The following TEX30 variants were observed in gnomAD, a reference collection of about 807,000 sequenced individuals.
TEX30 encodes testis-expressed protein 30.
A neutral mutation model predicts 23.8 loss-of-function variants in TEX30; 14 were observed. The ratio of observed to expected loss-of-function variants is 0.59; its 90% confidence interval spans 0.39 to 0.92. The LOEUF is 0.92. Among genes scored for constraint, TEX30 ranks in the 40% least tolerant of loss-of-function variants. TEX30 has a pLI of 0.00. For missense variants in TEX30, 246 were observed against 270.6 expected (o/e 0.91, Z 0.64); for synonymous variants, 78 against 90.2 (o/e 0.87, Z 0.76).
chr13:102,769,826 A>G (rs1481531140), intron 2 of TEX30, 186 bp downstream of exon 2: 2 of 534,514 alleles, frequency 3.7e-6, no homozygotes, highest in African/African-American at 3.9e-5. Flanking sequence ...AACTTGCCCA[A>G]GGTTATATAG....
chr13:102,770,860 T>C (rs1035480072), intron 1 of TEX30: 2 of 152,214 alleles, frequency 1.3e-5, no homozygotes, highest in Admixed American at 6.5e-5. Flanking sequence ...CACTGAAATT[T>C]TGGGGTTGTT....
At position 102,766,513 on chromosome 13, in the gene TEX30, T is replaced by C; in HGVS notation, c.572A>G (p.Asn191Ser). 6.2e-7 allele frequency: 1 copy of C among 1,614,112 alleles called. No homozygotes were observed. Among genetic ancestry groups the C allele is most frequent in the African/African-American group, 1.3e-5 (1 of 75,064 alleles). Residue 191 changes from asparagine to serine, a missense_variant, in exon 6 of 6, where the codon AAT (asparagine) becomes AGT (serine). Physicochemically the swap from Asn to Ser is conservative, Grantham distance 46. Transcript: ENST00000376032. ...CCGTCCTTTCACTGCCATGGAATGATTTGCCTTCTCAATCCAGTGGATTTT... is the reference window on the plus strand; with the variant it reads ...CCGTCCTTTCACTGCCATGGAATGACTTGCCTTCTCAATCCAGTGGATTTT... ...PHKIHWIEKANHSMAVKGRST... is the reference protein window; with the variant it reads ...PHKIHWIEKASHSMAVKGRST...
Position 102,769,393 on chromosome 13 carries a change from G to C in TEX30, c.164C>G (p.Ala55Gly), listed in dbSNP as rs1236110408. The C allele has an allele frequency of 1.2e-6, 2 of 1,608,954 alleles. No individual in the cohort carries two copies. The highest frequency in any genetic ancestry group is 1.3e-5 in the African/African-American group (1 of 74,824). Residue 55 changes from alanine to glycine, a missense_variant, in exon 3 of 6, where the codon GCA becomes GGA. Coordinates refer to ENST00000376032, the MANE Select transcript of TEX30 (RefSeq NM_138779.5). ...TCTCAGGCAGAAAAACCCATGAGAT[G>C]CAAGATGGGATGCCAGTGACATCAA... ...PHLMSLASHL[A>G]SHGFFCLRFT...
Position 102,770,077 on chromosome 13 carries a change from G to C in TEX30, c.-51C>G, listed in dbSNP as rs918621483. The C allele has an allele frequency of 7.8e-7, 1 of 1,277,160 alleles. No individual in the cohort carries two copies. The highest frequency in any genetic ancestry group is 1.5e-5 in the African/African-American group (1 of 65,450). 79.1% of individuals were successfully genotyped at this position (1,277,160 alleles called of 1,614,324 possible). On this transcript the variant is annotated 5_prime_UTR_variant, in exon 2 of 6. Transcript: ENST00000376032. ...AGTGCATTTACATCTGAGAAGCAAA[G>C]GACATCTCCCTGAAAAGAAGATTCT...
intron 5 of TEX30, among the ~76,000 whole-genome samples, 170 bp from the exon 6 acceptor site, chr13:102,766,750 C>G (rs931962316): frequency 6.6e-6 from 1 of 152,148 alleles, no homozygotes; most frequent in African/African-American, 2.4e-5. Context: ...AAGTGGCAGT[C>G]CACTTCTCTC....
Position 102,767,452 on chromosome 13 carries a change from C to A in TEX30, c.325G>T (p.Ala109Ser). 1 of 1,614,150 alleles carries A rather than the reference C, an allele frequency of 6.2e-7. No homozygotes were observed. The part of the protein sequence containing the change: ...GGRSMGSRAA[A>S]SVMCHIEPDD... ...GGCTCAATGTGACACATTACAGAAG[C>A]AGCTGCTCTTGAGCCCATTGAACGA... Residue 109 changes from alanine to serine, a missense_variant, in exon 5 of 6, where the codon GCT becomes TCT. Transcript: ENST00000376032.
At chr13:102,767,562 T>C (rs1876994688) in intron 4 of TEX30, 84 bp from the exon 5 acceptor site, 1 of 1,367,322 alleles carries the variant, frequency 7.3e-7, no homozygotes, top group Non-Finnish European at 1.0e-6. Context: ...TTGGATCTTT[T>C]ACTGTTCATC....
At chr13:102,770,250 GAGGGCC>G in intron 1 of TEX30, 164 bp from the exon 2 acceptor site, 1 of 368,496 alleles carries the variant, frequency 2.7e-6, no homozygotes, top group Non-Finnish European at 4.8e-6. Context: ...GAATTGGTTA[GAGGGCC>G]AGGTGCAGGG....
At position 102,769,502 on chromosome 13, in the gene TEX30, C is replaced by G; in HGVS notation, c.55G>C (p.Ala19Pro). 6.2e-7 allele frequency: 1 copy of G among 1,603,178 alleles called. No homozygotes were observed. The highest frequency in any genetic ancestry group is 8.5e-7 in the Non-Finnish European group (1 of 1,176,254). ...CTCTTGTTAGGTACCAAACAAACAG[C>G]ATCTAGTAATTTATTTCCAAAAGGT... ...KIPFGNKLLD[A>P]VCLVPNKSLT... The change falls in exon 3 of 6, where the codon GCT becomes CCT. Residue 19 changes from alanine (A) to proline (P), a missense_variant. Transcript: ENST00000376032.
intron 4 of TEX30, among the ~76,000 whole-genome samples, chr13:102,768,004 G>A (rs968543112): frequency 4.6e-5 from 7 of 152,134 alleles, no homozygotes; most frequent in African/African-American, 1.7e-4. Context: ...GACAATCATT[G>A]TAAAGGAATC....
chr13:102,769,988 A>G, intron 2 of TEX30, 24 bp downstream of exon 2: 2 of 1,441,558 alleles, frequency 1.4e-6, no homozygotes, highest in Non-Finnish European at 1.8e-6. Context: ...AACCCTGAAG[A>G]TGCAGAACAT....
intron 5 of TEX30, among the ~76,000 whole-genome samples, chr13:102,767,005 T>C (rs962510314): frequency 3.3e-5 from 5 of 152,338 alleles, no homozygotes; most frequent in Admixed American, 1.3e-4. Flanking sequence ...ATCTATAGTG[T>C]AGTAATCCCA....
chr13:102,769,781 T>C (rs2139040237), intron 2 of TEX30: 1 of 533,434 alleles, frequency 1.9e-6, no homozygotes, highest in South Asian at 3.1e-5. Context: ...ACTATCATTA[T>C]CCCCATTTTA....
intron 1 of TEX30, chr13:102,770,634 A>G (rs1250104274): frequency 1.3e-5 from 2 of 152,174 alleles, no homozygotes; most frequent in Non-Finnish European, 2.9e-5. Flanking sequence ...GTGACTTCTG[A>G]GCTGAGGCAT....
At chr13:102,772,884 T>A (rs1037990457) in intron 1 of TEX30, among the ~76,000 whole-genome samples, 5 of 152,242 alleles carry the variant, frequency 3.3e-5, no homozygotes, top group African/African-American at 9.6e-5. Flanking sequence ...TGGGTTTTCA[T>A]CTCTGGCTTC....
intron 3 of TEX30, among the ~76,000 whole-genome samples, 178 bp downstream of exon 3, chr13:102,769,133 A>G (rs1248506818): frequency 6.6e-6 from 1 of 152,232 alleles, no homozygotes; most frequent in Non-Finnish European, 1.5e-5. Flanking sequence ...CTCCATGGAA[A>G]CTGATGACAA....
chr13:102,768,130 A>G, intron 4 of TEX30, 130 bp downstream of exon 4: 1 of 712,062 alleles, frequency 1.4e-6, no homozygotes, highest in Non-Finnish European at 2.3e-6. Flanking sequence ...TAACATTAAA[A>G]AGGTGACTTA....
intron 1 of TEX30, among the ~76,000 whole-genome samples, chr13:102,772,639 G>A (rs1031065577): frequency 6.6e-6 from 1 of 152,164 alleles, no homozygotes; most frequent in East Asian, 1.9e-4. Flanking sequence ...GCAGCGGCGC[G>A]ATCTCGGCTC....
chr13:102,768,504 T>C (rs546938293), intron 3 of TEX30, among the ~76,000 whole-genome samples, 193 bp from the exon 4 acceptor site: 4 of 152,294 alleles, frequency 2.6e-5, no homozygotes, highest in Non-Finnish European at 5.9e-5. Flanking sequence ...TTAAATCACA[T>C]GTTAGGTAAT....
Sources: allele counts gnomAD v4.1 joint callset (sites outside exome capture counted in the v4.1 genomes callset), GRCh38; gene constraint gnomAD v4.1.1; transcripts MANE v1.5; gene names NCBI Gene and HGNC (gene_info 2026-07-23, HGNC 2026-07-21).